The following GRM7 variants were observed in gnomAD, a reference collection of about 807,000 sequenced individuals.
GRM7 encodes the protein glutamate metabotropic receptor 7.
In GRM7, 35 loss-of-function variants were observed where a neutral mutation model predicts 84.5. The observed-to-expected ratio is 0.41, with a 90% CI of 0.32 to 0.55. The LOEUF is 0.55. Ranked by LOEUF, GRM7 falls within the 20% of genes least tolerant of loss-of-function variation. The pLI is 0.19. For synonymous variants in GRM7, 487 were observed against 455.1 expected (o/e 1.07, Z -0.89); for missense variants, 1,003 against 1,194.6 (o/e 0.84, Z 2.36).
chr3:7,672,075 C>T (rs1258271252), intron 8 of GRM7, among the ~76,000 whole-genome samples: 2 of 152,068 alleles, frequency 1.3e-5, no homozygotes, highest in Non-Finnish European at 2.9e-5. Flanking sequence ...ACTCCCTCCC[C>T]TGCCCCGGGG....
At chr3:7,004,603 A>G (rs1028668956) in intron 1 of GRM7, among the ~76,000 whole-genome samples, 1 of 152,184 alleles carries the variant, frequency 6.6e-6, no homozygotes, top group African/African-American at 2.4e-5. Flanking sequence ...ATCTTTAACG[A>G]GAAACTTCAC....
At chr3:7,368,725 G>C (rs1460959844) in intron 4 of GRM7, among the ~76,000 whole-genome samples, 2 of 152,108 alleles carry the variant, frequency 1.3e-5, no homozygotes, top group Non-Finnish European at 2.9e-5. Context: ...GTGAAGATCA[G>C]ATGGACAGCA....
intron 4 of GRM7, among the ~76,000 whole-genome samples, chr3:7,319,099 A>T (rs1279274915): frequency 1.3e-5 from 2 of 152,032 alleles, no homozygotes; most frequent in South Asian, 2.1e-4. Flanking sequence ...GATATAAGAT[A>T]CTGTGCGTGT....
chr3:7,356,533 C>G (rs1209829379), intron 4 of GRM7, among the ~76,000 whole-genome samples: 2 of 152,058 alleles, frequency 1.3e-5, no homozygotes, highest in African/African-American at 4.8e-5. Flanking sequence ...AACTCCTGAG[C>G]TCAAAACCAT....
chr3:7,677,634 A>C, intron 8 of GRM7, among the ~76,000 whole-genome samples: 1 of 152,242 alleles, frequency 6.6e-6, no homozygotes, highest in East Asian at 1.9e-4. Context: ...AATTTTTTAA[A>C]TGAAAATCAA....
At chr3:7,442,299 T>C (rs922832974) in intron 5 of GRM7, among the ~76,000 whole-genome samples, 1 of 152,182 alleles carries the variant, frequency 6.6e-6, no homozygotes, top group Non-Finnish European at 1.5e-5. Context: ...GAAATGCTAC[T>C]AATTTTCATA....
At chr3:7,593,711 G>C (rs1490559774) in intron 8 of GRM7, among the ~76,000 whole-genome samples, 1 of 152,048 alleles carries the variant, frequency 6.6e-6, no homozygotes, top group Non-Finnish European at 1.5e-5. Flanking sequence ...AAATGGAATG[G>C]GGTGGGGGTA....
At chr3:7,017,948 A>G (rs1369456348) in intron 1 of GRM7, among the ~76,000 whole-genome samples, 11 of 152,224 alleles carry the variant, frequency 7.2e-5, no homozygotes, top group Admixed American at 6.5e-4. Flanking sequence ...CCAAGCACCT[A>G]ATTACTTGTA....
At chr3:7,008,115 GT>G (rs3063458) in intron 1 of GRM7, among the ~76,000 whole-genome samples, 133,876 of 151,538 alleles carry the variant, frequency 0.88, 61,248 homozygotes, top group Non-Finnish European at 0.99. Context: ...ATGAGAATGC[GT>G]TTTTTTTTTA....
At position 7,256,722 on chromosome 3, in the gene GRM7, A is replaced by G. The variant is rs1575088532; in HGVS notation, c.737-41962A>G. On this transcript the variant is annotated intron_variant, in intron 2 of 9. Coordinates refer to ENST00000357716, the MANE Select transcript of GRM7 (RefSeq NM_000844.4). ...GCACTATTTATTGAGCATCTGCTATATTCTAGGCCTTGGAAATGCAAAGAT... is the reference window on the plus strand; with the variant it reads ...GCACTATTTATTGAGCATCTGCTATGTTCTAGGCCTTGGAAATGCAAAGAT... Among the ~76,000 whole-genome samples, 4 of 152,204 alleles carry G rather than the reference A, an allele frequency of 2.6e-5. No homozygotes were observed. In the East Asian group the frequency reaches 5.8e-4, roughly 22 times the overall value.
intron 2 of GRM7, among the ~76,000 whole-genome samples, chr3:7,255,100 A>G (rs1457173242): frequency 1.3e-5 from 2 of 152,186 alleles, no homozygotes; most frequent in Non-Finnish European, 2.9e-5. Context: ...TTTGTTCTTT[A>G]TACAGGATCT....
intron 1 of GRM7, among the ~76,000 whole-genome samples, chr3:7,129,933 A>G (rs1483237407): frequency 6.6e-6 from 1 of 152,218 alleles, no homozygotes; most frequent in East Asian, 1.9e-4. Flanking sequence ...TCACATATAC[A>G]GAGGGACTAA....
intron 7 of GRM7, among the ~76,000 whole-genome samples, chr3:7,563,263 C>G (rs972278183): frequency 7.9e-5 from 12 of 152,116 alleles, no homozygotes; most frequent in African/African-American, 2.9e-4. Flanking sequence ...ACAGAAGGCT[C>G]AAGCGCAAAA....
At chr3:7,637,073 G>T (rs1559454846) in intron 8 of GRM7, among the ~76,000 whole-genome samples, 1 of 152,126 alleles carries the variant, frequency 6.6e-6, no homozygotes, top group Non-Finnish European at 1.5e-5. Flanking sequence ...AAGAGTGGTT[G>T]GTAGAAATGC....
Position 7,658,737 on chromosome 3 carries a change from A to C in GRM7, c.2452-21312A>C, listed in dbSNP as rs547822931. ...TAGAATAGTCCACAGAATGTCAAAC[A>C]CCAAATAAAATGAAATCATCAGATA... On this transcript the variant is annotated intron_variant, in intron 8 of 9. Transcript: ENST00000357716. Among the ~76,000 whole-genome samples the C allele has an allele frequency of 4.6e-5, 7 of 152,350 alleles. No individual in the cohort carries two copies. The South Asian group carries it at 1.2e-3, about 27-fold the overall frequency.
intron 4 of GRM7, among the ~76,000 whole-genome samples, chr3:7,337,419 T>G (rs1269864203): frequency 6.6e-6 from 1 of 152,024 alleles, no homozygotes; most frequent in Non-Finnish European, 1.5e-5. Context: ...AGATGGGACT[T>G]AATTTAGCAA....
chr3:7,713,482 T>G (rs139569385), intron 9 of GRM7, among the ~76,000 whole-genome samples: 166 of 152,188 alleles, frequency 1.1e-3, no homozygotes, highest in Middle Eastern at 3.4e-3. Context: ...CAATCTATAA[T>G]GTGGCCCCTG....
rs138359254 is a variant in GRM7, at chr3:7,086,624, G to A, written c.520-59828G>A. On this transcript the variant is annotated intron_variant, in intron 1 of 9. Coordinates refer to ENST00000357716, the MANE Select transcript of GRM7 (RefSeq NM_000844.4). ...CCAGCCTCTAGAGCTCCACATCAACGTATCCTGCTCAGTGCTTTGTTCATC... is the reference window on the plus strand; with the variant it reads ...CCAGCCTCTAGAGCTCCACATCAACATATCCTGCTCAGTGCTTTGTTCATC... 5.9e-3 allele frequency among the ~76,000 whole-genome samples: 904 copies of A among 152,286 alleles called. 10 individuals carry two copies. The highest frequency in any genetic ancestry group is 0.021 in the African/African-American group (862 of 41,566).
At chr3:7,219,522 G>A (rs904283590) in intron 2 of GRM7, among the ~76,000 whole-genome samples, 9 of 152,178 alleles carry the variant, frequency 5.9e-5, no homozygotes, top group Admixed American at 3.3e-4. Context: ...GTTGGAGTGG[G>A]AGTTTACAGG....
Sources: allele counts gnomAD v4.1 joint callset (sites outside exome capture counted in the v4.1 genomes callset), GRCh38; gene constraint gnomAD v4.1.1; transcripts MANE v1.5; gene names NCBI Gene and HGNC (gene_info 2026-07-23, HGNC 2026-07-21).